DAD1: variants seen among roughly 807,000 people sequenced by gnomAD.
DAD1 encodes the protein dolichyl-diphosphooligosaccharide--protein glycosyltransferase subunit DAD1.
Under a neutral mutation model 9.0 loss-of-function variants are expected in DAD1, and 4 were observed. The ratio of observed to expected loss-of-function variants is 0.44; its 90% CI spans 0.22 to 1.01. DAD1 has a LOEUF of 1.01. DAD1 is among the 50% of genes least tolerant of loss of function. The probability of loss-of-function intolerance (pLI) is 0.24; values close to 1 mark genes in which losing one functional copy is unlikely to be tolerated. For synonymous variants in DAD1, 60 were observed against 62.5 expected (o/e 0.96, Z 0.19); for missense variants, 119 against 137.3 (o/e 0.87, Z 0.67).
chr14:22,570,366 C>A (rs1233665478), intron 2 of DAD1, among the ~76,000 whole-genome samples: 1 of 152,130 alleles, frequency 6.6e-6, no homozygotes. Context: ...CCCTTTTGTT[C>A]CTAACTCGAC....
intron 1 of DAD1, among the ~76,000 whole-genome samples, chr14:22,583,279 C>T (rs1289902078): frequency 6.6e-6 from 1 of 152,122 alleles, no homozygotes; most frequent in Non-Finnish European, 1.5e-5. Flanking sequence ...GTATCTACAA[C>T]CATGCTCTCA....
intron 2 of DAD1, among the ~76,000 whole-genome samples, chr14:22,569,268 C>T (rs1483838638): frequency 1.4e-5 from 2 of 139,088 alleles, no homozygotes; most frequent in Non-Finnish European, 3.2e-5. Context: ...CCATGTCTCT[C>T]CTAAAAATAC....
chr14:22,567,732 A>G (rs2037010720), intron 2 of DAD1, among the ~76,000 whole-genome samples: 1 of 152,184 alleles, frequency 6.6e-6, no homozygotes, highest in Non-Finnish European at 1.5e-5. Flanking sequence ...GCAGACCCTG[A>G]ATGTTTCCCC....
In DAD1 at chr14:22,564,993, A is replaced by G. The variant is rs547115084; in HGVS notation, c.*189T>C. On this transcript the variant is annotated 3_prime_UTR_variant, in exon 3 of 3. Coordinates refer to ENST00000250498, the MANE Select transcript of DAD1 (RefSeq NM_001344.4). ...GGCTGGATTAATAAATGTTTGTTAG[A>G]AAGTTGTTCTGACACACAGTGAACT... 3.4e-4 allele frequency: 213 copies of G among 618,602 alleles called. 4 individuals are homozygous for G. The South Asian group carries it at 3.5e-3, about 10-fold the overall frequency. 38.3% of individuals were successfully genotyped at this position (618,602 alleles called of 1,614,324 possible).
intron 1 of DAD1, among the ~76,000 whole-genome samples, chr14:22,578,899 T>C (rs10137999): frequency 0.16 from 25,007 of 152,202 alleles, 2,143 homozygotes; most frequent in Middle Eastern, 0.25. Flanking sequence ...AGCTCTCTTA[T>C]CTGCTGATTT....
intron 2 of DAD1, among the ~76,000 whole-genome samples, chr14:22,573,181 GT>G (rs34572621): frequency 2.3e-4 from 34 of 147,060 alleles, no homozygotes; most frequent in South Asian, 2.2e-4. Context: ...ACACTTTTGG[GT>G]TTTTTTTTTT....
chr14:22,588,118 T>A (rs1001751475), intron 1 of DAD1, among the ~76,000 whole-genome samples: 1 of 152,204 alleles, frequency 6.6e-6, no homozygotes, highest in African/African-American at 2.4e-5. Context: ...GTGCCAAAGC[T>A]TTTACCATAA....
rs1194530316 is a variant in DAD1 at position 22,589,188 on chromosome 14, C to A, written c.-31G>T. The stretch of plus-strand genomic sequence containing the variant: ...CACGCAAGGTACTCCGGTCCGCGCC[C>A]CAAACTCTTGGAGGACCCGTCGACC... On this transcript the variant is annotated 5_prime_UTR_variant, in exon 1 of 3. Transcript: ENST00000250498. The A allele has an allele frequency of 1.2e-6, 2 of 1,611,940 alleles. No individual in the cohort carries two copies. Among genetic ancestry groups the A allele is most frequent in the South Asian group, 2.2e-5 (2 of 90,896 alleles).
chr14:22,570,774 G>C (rs943569765), intron 2 of DAD1, among the ~76,000 whole-genome samples: 1 of 152,194 alleles, frequency 6.6e-6, no homozygotes, highest in African/African-American at 2.4e-5. Context: ...ACTTGTGAGA[G>C]AATGGTCTCC....
intron 1 of DAD1, among the ~76,000 whole-genome samples, chr14:22,576,935 T>C (rs1850334547): frequency 6.6e-6 from 1 of 152,094 alleles, no homozygotes; most frequent in Non-Finnish European, 1.5e-5. Context: ...TCACCTCACA[T>C]CTATTAGGAT....
At chr14:22,583,018 A>C (rs1218855587) in intron 1 of DAD1, among the ~76,000 whole-genome samples, 1 of 151,648 alleles carries the variant, frequency 6.6e-6, no homozygotes, top group Admixed American at 6.6e-5. Context: ...AAAAAAAAAA[A>C]AAAAAACCAC....
intron 1 of DAD1, among the ~76,000 whole-genome samples, chr14:22,576,861 A>G (rs2037080761): frequency 1.3e-5 from 2 of 152,254 alleles, no homozygotes; most frequent in Non-Finnish European, 1.5e-5. Context: ...GCCAACAAGC[A>G]TATGAAAAGA....
chr14:22,581,281 G>A (rs571377695), intron 1 of DAD1, among the ~76,000 whole-genome samples: 266 of 152,186 alleles, frequency 1.7e-3, no homozygotes, highest in Non-Finnish European at 3.1e-3. Context: ...AAATAAAACA[G>A]GATAATAAAG....
At chr14:22,573,489 C>T (rs576516604) in intron 2 of DAD1, among the ~76,000 whole-genome samples, 4 of 151,920 alleles carry the variant, frequency 2.6e-5, no homozygotes, top group Non-Finnish European at 4.4e-5. Context: ...CCAAGGCGGG[C>T]GGATCACCAG....
intron 2 of DAD1, among the ~76,000 whole-genome samples, chr14:22,572,514 G>A (rs1198270989): frequency 1.3e-5 from 2 of 152,154 alleles, no homozygotes; most frequent in African/African-American, 4.8e-5. Flanking sequence ...ATTTAACACT[G>A]CAATCTGGGA....
intron 2 of DAD1, among the ~76,000 whole-genome samples, chr14:22,570,026 T>C (rs1174808757): frequency 6.6e-6 from 1 of 152,120 alleles, no homozygotes; most frequent in African/African-American, 2.4e-5. Flanking sequence ...TTGAAAAAAG[T>C]TATGATGTGA....
intron 1 of DAD1, among the ~76,000 whole-genome samples, chr14:22,586,031 CCT>C (rs1360531208): frequency 4.0e-5 from 6 of 151,882 alleles, no homozygotes; most frequent in Non-Finnish European, 7.4e-5. Context: ...ACGATGAAAC[CCT>C]GTCTCCACTA....
intron 1 of DAD1, among the ~76,000 whole-genome samples, chr14:22,577,798 G>A (rs1201300853): frequency 3.9e-5 from 6 of 152,186 alleles, no homozygotes; most frequent in Non-Finnish European, 5.9e-5. Flanking sequence ...AGGAGTTACT[G>A]TTTAATGGGA....
intron 1 of DAD1, among the ~76,000 whole-genome samples, chr14:22,576,521 A>T (rs939224798): frequency 1.3e-5 from 2 of 152,248 alleles, no homozygotes; most frequent in East Asian, 1.9e-4. Context: ...AAAAACTCTT[A>T]GAAGAAAACA....
Sources: gnomAD v4.1 joint callset for allele counts (sites outside exome capture counted in the v4.1 genomes callset) on GRCh38, gnomAD v4.1.1 for gene constraint, MANE v1.5 for transcripts, NCBI Gene and HGNC (gene_info 2026-07-23, HGNC 2026-07-21) for gene names.